ZEB2: variants seen among roughly 807,000 people sequenced by gnomAD.
ZEB2 encodes the protein zinc finger E-box binding homeobox 2, also known as zinc finger E-box-binding homeobox 2.
Under a neutral mutation model 99.9 loss-of-function variants are expected in ZEB2, and 6 were observed. The observed-to-expected ratio is 0.06, with a 90% confidence interval of 0.03 to 0.12. The LOEUF is 0.12. ZEB2 is among the 10% of genes least tolerant of loss of function. The probability of loss-of-function intolerance (pLI) is 1.00; values close to 1 mark genes in which losing one functional copy is unlikely to be tolerated. For synonymous variants in ZEB2, 517 were observed against 542.5 expected (o/e 0.95, Z 0.65); for missense variants, 969 against 1,502.8 (o/e 0.64, Z 5.87).
At chr2:144,513,878 A>C in intron 2 of ZEB2, 1 of 1,520,844 alleles carries the variant, frequency 6.6e-7, no homozygotes, top group East Asian at 2.5e-5. Flanking sequence ...CGTCAGTGAA[A>C]GTGTTACAAA....
intron 2 of ZEB2, among the ~76,000 whole-genome samples, chr2:144,509,023 G>GT (rs1328857805): frequency 1.3e-5 from 2 of 151,270 alleles, no homozygotes; most frequent in African/African-American, 2.4e-5. Flanking sequence ...TATGAGCAAT[G>GT]TAAGTCCACC....
intron 2 of ZEB2, among the ~76,000 whole-genome samples, chr2:144,473,652 T>C (rs1349949651): frequency 1.3e-5 from 2 of 152,036 alleles, no homozygotes; most frequent in African/African-American, 2.4e-5. Context: ...GAGAACAGGA[T>C]GTGCACATGA....
At chr2:144,495,550 C>G (rs893295606) in intron 2 of ZEB2, 7 of 152,190 alleles carry the variant, frequency 4.6e-5, no homozygotes, top group African/African-American at 1.2e-4. Flanking sequence ...AGAAAGAAAG[C>G]TTACGTGCAA....
chr2:144,511,907 C>T, intron 2 of ZEB2: 1 of 1,287,152 alleles, frequency 7.8e-7, no homozygotes, highest in Non-Finnish European at 1.0e-6. Flanking sequence ...CATATTTGGG[C>T]TTATGTTAAC....
intron 9 of ZEB2, among the ~76,000 whole-genome samples, chr2:144,395,217 T>G (rs1280540028): frequency 6.6e-6 from 1 of 152,076 alleles, no homozygotes; most frequent in East Asian, 1.9e-4. Flanking sequence ...CAGGCTGGTC[T>G]CAAACTCTTG....
intron 3 of ZEB2, among the ~76,000 whole-genome samples, chr2:144,426,312 A>G (rs1378105662): frequency 6.6e-6 from 1 of 152,124 alleles, no homozygotes; most frequent in Non-Finnish European, 1.5e-5. Flanking sequence ...CCCTCATCTG[A>G]TATTTTTATC....
chr2:144,496,636 G>A (rs1432016134), intron 2 of ZEB2: 1 of 152,106 alleles, frequency 6.6e-6, no homozygotes, highest in Non-Finnish European at 1.5e-5. Context: ...ACAGTAACAT[G>A]TAACCGTAGA....
At chr2:144,452,782 T>TA (rs761102676) in intron 2 of ZEB2, among the ~76,000 whole-genome samples, 2 of 152,142 alleles carry the variant, frequency 1.3e-5, no homozygotes, top group African/African-American at 2.4e-5. Context: ...GAGAAGGGCT[T>TA]ACTCTTCCCC....
At chr2:144,478,763 C>T (rs940051740) in intron 2 of ZEB2, among the ~76,000 whole-genome samples, 1 of 152,214 alleles carries the variant, frequency 6.6e-6, no homozygotes, top group Non-Finnish European at 1.5e-5. Flanking sequence ...CTCTCTGTTA[C>T]TGCTAAAGCT....
chr2:144,466,116 G>T (rs919754236), intron 2 of ZEB2, among the ~76,000 whole-genome samples: 1 of 152,122 alleles, frequency 6.6e-6, no homozygotes, highest in Non-Finnish European at 1.5e-5. Flanking sequence ...TCTTCACAAG[G>T]TGCATCATTT....
chr2:144,446,998 A>G (rs1051583322), intron 2 of ZEB2, among the ~76,000 whole-genome samples: 5 of 150,256 alleles, frequency 3.3e-5, no homozygotes, highest in African/African-American at 4.9e-5. Context: ...CCTGGGTGAC[A>G]GAGTGAGACA....
chr2:144,403,115 A>G (rs1703335002), intron 6 of ZEB2, among the ~76,000 whole-genome samples: 1 of 152,252 alleles, frequency 6.6e-6, no homozygotes, highest in Non-Finnish European at 1.5e-5. Context: ...ACATATCATA[A>G]TATCAATTTG....
chr2:144,441,951 T>C (rs1703923770), intron 2 of ZEB2, among the ~76,000 whole-genome samples: 1 of 152,224 alleles, frequency 6.6e-6, no homozygotes, highest in Admixed American at 6.5e-5. Flanking sequence ...TGAAAGTTAT[T>C]ATTCAGAAGT....
chr2:144,407,003 GT>G (rs1449418204), intron 4 of ZEB2, among the ~76,000 whole-genome samples: 1 of 152,162 alleles, frequency 6.6e-6, no homozygotes, highest in Non-Finnish European at 1.5e-5. Context: ...AGATGCTAAG[GT>G]ACCTCCCTCA....
chr2:144,405,501 T>A (rs1354585693), intron 4 of ZEB2: 1 of 174,220 alleles, frequency 5.7e-6, no homozygotes, highest in African/African-American at 2.4e-5. Flanking sequence ...TTGCTAAATA[T>A]AAGTTTTTAA....
chr2:144,411,668 T>C (rs181134839), intron 4 of ZEB2, among the ~76,000 whole-genome samples: 25 of 152,308 alleles, frequency 1.6e-4, no homozygotes, highest in Admixed American at 1.2e-3. Context: ...AGTTTTCTGC[T>C]CTTCCTGGGA....
chr2:144,512,936 C>G, intron 2 of ZEB2: 1 of 1,287,158 alleles, frequency 7.8e-7, no homozygotes, highest in Non-Finnish European at 1.0e-6. Context: ...AACAGGCTCC[C>G]TAGAAGCTCA....
chr2:144,479,402 C>T (rs779327817), intron 2 of ZEB2, among the ~76,000 whole-genome samples: 1 of 152,104 alleles, frequency 6.6e-6, no homozygotes, highest in Non-Finnish European at 1.5e-5. Context: ...CCCCTCACGG[C>T]TGTGTGGAGG....
chr2:144,432,112 G>GA (rs1041127565), intron 2 of ZEB2, among the ~76,000 whole-genome samples: 1 of 151,678 alleles, frequency 6.6e-6, no homozygotes, highest in African/African-American at 2.4e-5. Context: ...TTTTCTTGTG[G>GA]AAAAAAAAGA....
Sources: gnomAD v4.1 joint callset for allele counts (sites outside exome capture counted in the v4.1 genomes callset) on GRCh38, gnomAD v4.1.1 for gene constraint, MANE v1.5 for transcripts, NCBI Gene and HGNC (gene_info 2026-07-23, HGNC 2026-07-21) for gene names.